The following CCSER1 variants were observed in gnomAD, a reference collection of about 807,000 sequenced individuals.
CCSER1 encodes coiled-coil serine rich protein 1.
CCSER1 carries 41 observed loss-of-function variants against 82.0 expected under a neutral mutation model. The ratio of observed to expected loss-of-function variants is 0.50; its 90% CI spans 0.39 to 0.65. CCSER1 has a LOEUF of 0.65. CCSER1 is among the 30% of genes least tolerant of loss of function. CCSER1 has a pLI of 0.00. For missense variants in CCSER1, 1,119 were observed against 1,064.2 expected, an observed-to-expected ratio of 1.05 and a Z score of -0.72; for synonymous variants, 414 against 383.9, an observed-to-expected ratio of 1.08 and a Z score of -0.92.
intron 9 of CCSER1, among the ~76,000 whole-genome samples, chr4:90,995,887 A>G (rs1737451223): frequency 6.6e-6 from 1 of 152,064 alleles, no homozygotes; most frequent in Admixed American, 6.6e-5. Flanking sequence ...CTTATTTTTT[A>G]AATGATAATT....
chr4:90,847,214 T>C (rs1202294121), intron 8 of CCSER1, among the ~76,000 whole-genome samples: 1 of 152,186 alleles, frequency 6.6e-6, no homozygotes, highest in African/African-American at 2.4e-5. Context: ...ACTTAAACCA[T>C]TATACTTTTC....
intron 10 of CCSER1, among the ~76,000 whole-genome samples, chr4:91,497,810 T>G (rs556398359): frequency 6.6e-6 from 1 of 152,072 alleles, no homozygotes; most frequent in South Asian, 2.1e-4. Context: ...TAAGACTAAA[T>G]GAACTGATAT....
chr4:90,944,231 C>CAAAA (rs36064861), intron 9 of CCSER1, among the ~76,000 whole-genome samples: 6 of 106,938 alleles, frequency 5.6e-5, no homozygotes, highest in South Asian at 3.4e-4. Context: ...GACTCCGCCT[C>CAAAA]AAAAAAAAAA....
chr4:90,664,639 G>T (rs1417618103), intron 6 of CCSER1, among the ~76,000 whole-genome samples: 1 of 152,094 alleles, frequency 6.6e-6, no homozygotes, highest in Non-Finnish European at 1.5e-5. Context: ...GGTAGCTCAC[G>T]CCTGTAATCC....
chr4:91,322,304 A>G (rs920487980), intron 10 of CCSER1, among the ~76,000 whole-genome samples: 2 of 152,032 alleles, frequency 1.3e-5, no homozygotes, highest in African/African-American at 2.4e-5. Context: ...TTTCTTGTAA[A>G]TTCATCCCAA....
At chr4:91,088,984 C>A (rs1424976454) in intron 10 of CCSER1, among the ~76,000 whole-genome samples, 1 of 151,940 alleles carries the variant, frequency 6.6e-6, no homozygotes, top group Non-Finnish European at 1.5e-5. Flanking sequence ...AGTATTAAAG[C>A]TTCTGTGTGT....
At chr4:90,533,375 G>A (rs932258767) in intron 5 of CCSER1, among the ~76,000 whole-genome samples, 1 of 152,116 alleles carries the variant, frequency 6.6e-6, no homozygotes, top group African/African-American at 2.4e-5. Flanking sequence ...GATTACAGGC[G>A]TGAGCCACTG....
At chr4:90,299,824 T>A (rs1000185805) in intron 1 of CCSER1, among the ~76,000 whole-genome samples, 9 of 152,146 alleles carry the variant, frequency 5.9e-5, no homozygotes, top group African/African-American at 2.2e-4. Context: ...TTAAATGATA[T>A]AATTAGGTAA....
At chr4:90,708,060 G>C (rs1468663214) in intron 6 of CCSER1, among the ~76,000 whole-genome samples, 2 of 152,130 alleles carry the variant, frequency 1.3e-5, no homozygotes, top group Non-Finnish European at 2.9e-5. Context: ...ACCAGCAGCA[G>C]TTTGCACCTC....
chr4:90,235,799 A>G (rs561544960), intron 1 of CCSER1, among the ~76,000 whole-genome samples: 1 of 152,302 alleles, frequency 6.6e-6, no homozygotes, highest in African/African-American at 2.4e-5. Context: ...ACCAAGGGAC[A>G]AGATGATTTT....
intron 1 of CCSER1, among the ~76,000 whole-genome samples, chr4:90,150,467 T>A (rs912118238): frequency 5.3e-5 from 8 of 152,132 alleles, no homozygotes; most frequent in Middle Eastern, 3.2e-3. Context: ...GCTTTAAGTA[T>A]AAGAGATGCA....
intron 10 of CCSER1, among the ~76,000 whole-genome samples, chr4:91,159,912 T>A (rs1180152593): frequency 6.6e-6 from 1 of 152,006 alleles, no homozygotes; most frequent in African/African-American, 2.4e-5. Context: ...CTTTTTTTTA[T>A]TATACTTTAA....
chr4:90,588,341 A>C (rs1782270336), intron 5 of CCSER1, among the ~76,000 whole-genome samples: 1 of 152,226 alleles, frequency 6.6e-6, no homozygotes, highest in African/African-American at 2.4e-5. Flanking sequence ...AATATTCTAA[A>C]TTCTTTGTTG....
chr4:91,586,974 A>G (rs2110330129), intron 10 of CCSER1, among the ~76,000 whole-genome samples: 1 of 151,912 alleles, frequency 6.6e-6, no homozygotes, highest in South Asian at 2.1e-4. Flanking sequence ...AATAATAAAT[A>G]GTGAAGAAAG....
At chr4:90,359,241 G>A (rs890023967) in intron 3 of CCSER1, among the ~76,000 whole-genome samples, 5 of 152,118 alleles carry the variant, frequency 3.3e-5, no homozygotes, top group African/African-American at 1.2e-4. Context: ...GGGGAGTAAT[G>A]TTAATATAGC....
chr4:90,833,266 C>T (rs1294042587), intron 8 of CCSER1, among the ~76,000 whole-genome samples: 2 of 152,118 alleles, frequency 1.3e-5, no homozygotes, highest in African/African-American at 4.8e-5. Flanking sequence ...TTTTCTCCAG[C>T]CCTTTTATAA....
intron 10 of CCSER1, among the ~76,000 whole-genome samples, chr4:91,121,423 T>C (rs978807774): frequency 2.3e-4 from 35 of 151,820 alleles, no homozygotes; most frequent in African/African-American, 8.4e-4. Context: ...GGAAAAGAAG[T>C]TGTCTAAGAG....
intron 5 of CCSER1, among the ~76,000 whole-genome samples, chr4:90,538,249 A>AT (rs956537596): frequency 2.0e-4 from 30 of 152,024 alleles, no homozygotes; most frequent in African/African-American, 7.2e-4. Context: ...GGATTTCCTG[A>AT]TTTTCCTCTT....
chr4:90,698,484 G>T (rs1288965661), intron 6 of CCSER1, among the ~76,000 whole-genome samples: 1 of 152,174 alleles, frequency 6.6e-6, no homozygotes, highest in Non-Finnish European at 1.5e-5. Context: ...ACCTGGGAAT[G>T]ATAGAGTTGG....
Sources: gnomAD v4.1 joint callset for allele counts (sites outside exome capture counted in the v4.1 genomes callset) on GRCh38, gnomAD v4.1.1 for gene constraint, MANE v1.5 for transcripts, NCBI Gene and HGNC (gene_info 2026-07-23, HGNC 2026-07-21) for gene names.